Variants in PI4K2A observed in about 807,000 individuals in gnomAD.
The protein encoded by PI4K2A is phosphatidylinositol 4-kinase type 2 alpha, also known as phosphatidylinositol 4-kinase type 2-alpha.
In PI4K2A, 20 loss-of-function variants were observed where a neutral mutation model predicts 55.0. That is an observed-to-expected ratio of 0.36 (90% CI 0.26 to 0.53). The LOEUF is 0.53. Ranked by LOEUF, PI4K2A falls within the 20% of genes least tolerant of loss-of-function variation. The pLI, the probability that PI4K2A is intolerant of heterozygous loss-of-function variation, is 0.91. For synonymous variants in PI4K2A, 235 were observed against 258.5 expected (o/e 0.91, Z 0.87); for missense variants, 463 against 637.1 (o/e 0.73, Z 2.94).
chr10:97,670,747 G>C, intron 8 of PI4K2A, among the ~76,000 whole-genome samples: 1 of 152,118 alleles, frequency 6.6e-6, no homozygotes, highest in Non-Finnish European at 1.5e-5. Flanking sequence ...GATATTTGTG[G>C]CTTGAGGGCT....
intron 8 of PI4K2A, 59 bp downstream of exon 8, chr10:97,667,179 G>A: frequency 1.6e-6 from 2 of 1,270,210 alleles, no homozygotes; most frequent in South Asian, 2.5e-5. Context: ...GTGTGCTCAG[G>A]TTGAGCAAAT....
rs781440947 is a variant in PI4K2A at position 97,665,002 on chromosome 10, G to A, written c.1084+18G>A. On this transcript the variant is annotated intron_variant, in intron 6 of 8. Coordinates refer to ENST00000370631, the Ensembl canonical transcript of PI4K2A. ...GAGGGCATGTAAGTCTCCAGACAAT[G>A]GTGGTCTGGCTCTTCCCTTGCTCAG... The A allele has an allele frequency of 3.4e-6, 5 of 1,475,060 alleles. No homozygotes were observed. In the African/African-American group the frequency reaches 6.9e-5, roughly 20 times the overall value. The allele number at this position is 1,475,060 out of a possible 1,614,324, so 91.4% of individuals were successfully genotyped here.
chr10:97,645,397 A>G (rs2041500081), intron 1 of PI4K2A, among the ~76,000 whole-genome samples: 1 of 152,098 alleles, frequency 6.6e-6, no homozygotes, highest in South Asian at 2.1e-4. Context: ...TCACAAGGTC[A>G]GGAGATAGAG....
chr10:97,668,105 C>G (rs1698860648), intron 8 of PI4K2A, among the ~76,000 whole-genome samples: 1 of 152,046 alleles, frequency 6.6e-6, no homozygotes, highest in African/African-American at 2.4e-5. Context: ...GGTATTATGC[C>G]TATCACTTTG....
intron 4 of PI4K2A, 102 bp from the exon 5 acceptor site, chr10:97,662,805 C>T (rs1323664142): frequency 1.3e-6 from 1 of 779,602 alleles, no homozygotes; most frequent in Non-Finnish European, 2.4e-6. Flanking sequence ...TAGTCATTCT[C>T]AGTAGAAGCG....
chr10:97,659,402 A>T (rs67754424), intron 4 of PI4K2A, among the ~76,000 whole-genome samples: 8 of 104,346 alleles, frequency 7.7e-5, no homozygotes, highest in Non-Finnish European at 1.7e-4. Context: ...TCTAGTAGTT[A>T]TTTTTTTGTG....
chr10:97,649,609 ATTT>A (rs60329004), intron 1 of PI4K2A, among the ~76,000 whole-genome samples: 14 of 70,544 alleles, frequency 2.0e-4, no homozygotes, highest in South Asian at 7.0e-4. Context: ...TCCATAATAG[ATTT>A]TTTTTTTTTT....
intron 5 of PI4K2A, 103 bp downstream of exon 5, chr10:97,663,071 G>A (rs965218538): frequency 1.4e-5 from 11 of 797,310 alleles, no homozygotes; most frequent in African/African-American, 5.1e-5. Context: ...CAGAAGAATC[G>A]GGGGGCGCAT....
At chr10:97,675,511 G>C (rs914547391) in exon 9 of PI4K2A, 4 of 152,630 alleles carry the variant, frequency 2.6e-5, no homozygotes, top group African/African-American at 9.6e-5. Context: ...CTTGCCCCTT[G>C]ACTGTAGGAG....
intron 4 of PI4K2A, among the ~76,000 whole-genome samples, chr10:97,660,038 G>A (rs1366973957): frequency 3.2e-5 from 4 of 125,058 alleles, no homozygotes; most frequent in Non-Finnish European, 1.6e-5. Context: ...GTCTCGCTCT[G>A]TCACCCAGGC....
At chr10:97,646,255 G>A (rs2135752761) in intron 1 of PI4K2A, among the ~76,000 whole-genome samples, 1 of 144,298 alleles carries the variant, frequency 6.9e-6, no homozygotes, top group East Asian at 2.0e-4. Context: ...GCCTCACTCT[G>A]TCGCTCAGGC....
intron 1 of PI4K2A, among the ~76,000 whole-genome samples, chr10:97,644,461 A>G (rs924538977): frequency 1.3e-5 from 2 of 152,262 alleles, no homozygotes; most frequent in South Asian, 2.1e-4. Context: ...ATGACTTGAA[A>G]AAAGGTTCAT....
intron 5 of PI4K2A, 46 bp from the exon 6 acceptor site, chr10:97,664,831 AAGGGCCTG>A: frequency 8.4e-7 from 1 of 1,195,392 alleles, no homozygotes; most frequent in South Asian, 1.2e-5. Context: ...TACTAATTGG[AAGGGCCTG>A]AGGGAGATGG....
At chr10:97,652,716 T>C (rs1315647065) in intron 2 of PI4K2A, among the ~76,000 whole-genome samples, 1 of 152,206 alleles carries the variant, frequency 6.6e-6, no homozygotes, top group Non-Finnish European at 1.5e-5. Flanking sequence ...TATTTAACCA[T>C]GTCTGCTCCT....
At chr10:97,641,298 G>T in intron 1 of PI4K2A, 121 bp downstream of exon 1, 1 of 705,858 alleles carries the variant, frequency 1.4e-6, no homozygotes, top group Non-Finnish European at 2.3e-6. Context: ...CCCCTGGCAG[G>T]ATTTAGGGAT....
At position 97,660,955 on chromosome 10, in the gene PI4K2A, G is replaced by A. The variant is rs147365840; in HGVS notation, c.923-1952G>A. 4.3e-3 allele frequency among the ~76,000 whole-genome samples: 637 copies of A among 149,312 alleles called. 8 individuals are homozygous for A. Among genetic ancestry groups the A allele is most frequent in the African/African-American group, 0.015 (599 of 40,614 alleles). On this transcript the variant is annotated intron_variant, in intron 4 of 8. Coordinates refer to ENST00000370631, the Ensembl canonical transcript of PI4K2A. Reference sequence around the variant, plus strand: ...TGGATTTTTTTTTTTTTCAACTAAGGCTTTGACTGGAACTGCTGGATTTTT... The same window carrying A: ...TGGATTTTTTTTTTTTTCAACTAAGACTTTGACTGGAACTGCTGGATTTTT...
intron 1 of PI4K2A, among the ~76,000 whole-genome samples, chr10:97,643,767 C>T (rs1328297198): frequency 6.6e-6 from 1 of 152,256 alleles, no homozygotes; most frequent in African/African-American, 2.4e-5. Flanking sequence ...GAATTGTCAT[C>T]TTTGGCTCTC....
intron 2 of PI4K2A, among the ~76,000 whole-genome samples, chr10:97,653,928 A>AG (rs2041540822): frequency 6.6e-6 from 1 of 152,050 alleles, no homozygotes; most frequent in Admixed American, 6.5e-5. Flanking sequence ...AAAAAAAAAA[A>AG]TACTTGTCTT....
intron 1 of PI4K2A, among the ~76,000 whole-genome samples, chr10:97,641,784 T>C (rs2041471092): frequency 6.6e-6 from 1 of 152,192 alleles, no homozygotes; most frequent in African/African-American, 2.4e-5. Flanking sequence ...TTTTGACGAC[T>C]CCAAAGTTTA....
Sources: allele counts gnomAD v4.1 joint callset (sites outside exome capture counted in the v4.1 genomes callset), GRCh38; gene constraint gnomAD v4.1.1; transcripts MANE v1.5; gene names NCBI Gene and HGNC (gene_info 2026-07-23, HGNC 2026-07-21).